EFNA5: variants seen among roughly 807,000 people sequenced by gnomAD.
EFNA5 encodes the protein ephrin A5.
A neutral mutation model predicts 22.9 loss-of-function variants in EFNA5; 5 were observed. That is an observed-to-expected ratio of 0.22 (90% CI 0.11 to 0.46). The LOEUF is 0.46. Among genes scored for constraint, EFNA5 ranks in the 20% least tolerant of loss-of-function variants. The pLI is 0.99. For missense variants in EFNA5, 237 were observed against 293.3 expected (o/e 0.81, Z 1.40); for synonymous variants, 113 against 112.2 (o/e 1.01, Z -0.04).
intron 1 of EFNA5, among the ~76,000 whole-genome samples, chr5:107,466,808 T>C (rs570597394): frequency 6.6e-5 from 10 of 152,236 alleles, no homozygotes; most frequent in African/African-American, 2.2e-4. Context: ...TCCAGAAGCA[T>C]TGGCATTTGA....
At chr5:107,534,598 CT>C (rs1323797066) in intron 1 of EFNA5, among the ~76,000 whole-genome samples, 1 of 152,188 alleles carries the variant, frequency 6.6e-6, no homozygotes, top group African/African-American at 2.4e-5. Flanking sequence ...GTGTCTCTAG[CT>C]GTTTGTACAC....
At chr5:107,394,593 C>CA (rs1747871188) in intron 2 of EFNA5, among the ~76,000 whole-genome samples, 3 of 152,120 alleles carry the variant, frequency 2.0e-5, no homozygotes, top group African/African-American at 7.2e-5. Flanking sequence ...AGCTGTGCAG[C>CA]CACACACAAA....
chr5:107,440,808 A>T (rs1287128986), intron 1 of EFNA5, among the ~76,000 whole-genome samples: 1 of 152,186 alleles, frequency 6.6e-6, no homozygotes, highest in African/African-American at 2.4e-5. Context: ...CCTATGGGAG[A>T]TATTAAATGA....
intron 1 of EFNA5, among the ~76,000 whole-genome samples, chr5:107,645,706 G>C (rs1223672087): frequency 2.6e-5 from 4 of 152,122 alleles, no homozygotes; most frequent in Non-Finnish European, 5.9e-5. Flanking sequence ...GCCCCCAAAT[G>C]TTTAAAAGTG....
chr5:107,608,776 A>G (rs907943754), intron 1 of EFNA5, among the ~76,000 whole-genome samples: 5 of 152,116 alleles, frequency 3.3e-5, no homozygotes, highest in Non-Finnish European at 7.4e-5. Flanking sequence ...CTTTATCCAC[A>G]ATGGCATTAA....
At chr5:107,523,667 GC>G (rs1382907781) in intron 1 of EFNA5, among the ~76,000 whole-genome samples, 1 of 152,224 alleles carries the variant, frequency 6.6e-6, no homozygotes, top group African/African-American at 2.4e-5. Context: ...AATTCTACAA[GC>G]TTTCTGTAAT....
chr5:107,457,566 A>T (rs530442160), intron 1 of EFNA5, among the ~76,000 whole-genome samples: 1 of 152,290 alleles, frequency 6.6e-6, no homozygotes, highest in Non-Finnish European at 1.5e-5. Context: ...GTACATGCTC[A>T]GTACAGACAC....
intron 1 of EFNA5, among the ~76,000 whole-genome samples, chr5:107,557,376 G>C (rs1748444762): frequency 6.6e-6 from 1 of 151,102 alleles, no homozygotes; most frequent in African/African-American, 2.4e-5. Flanking sequence ...GGGCGAGAGA[G>C]GGAAGCCTGG....
At chr5:107,612,713 A>G (rs932166788) in intron 1 of EFNA5, among the ~76,000 whole-genome samples, 16 of 152,128 alleles carry the variant, frequency 1.1e-4, no homozygotes, top group Admixed American at 5.2e-4. Context: ...CAGCTCTCCA[A>G]TATAAAGACC....
In EFNA5 at chr5:107,380,751, G is replaced by A. The variant is rs118003949; in HGVS notation, c.*504C>T. On this transcript the variant is annotated 3_prime_UTR_variant, in exon 5 of 5. Coordinates refer to ENST00000333274, the MANE Select transcript of EFNA5 (RefSeq NM_001962.3). Reference sequence around the variant, plus strand: ...TATCTATTCTTAATACCTCCCCTCCGGACCTGACATGGTGACATGATGCCC... The same window carrying A: ...TATCTATTCTTAATACCTCCCCTCCAGACCTGACATGGTGACATGATGCCC... 4.3e-3 allele frequency: 1,705 copies of A among 399,264 alleles called. 30 individuals carry two copies. The highest frequency in any genetic ancestry group is 0.035 in the East Asian group (979 of 28,080). 24.7% of individuals were successfully genotyped at this position (399,264 alleles called of 1,614,324 possible).
At chr5:107,509,755 C>CTAA (rs1035786607) in intron 1 of EFNA5, among the ~76,000 whole-genome samples, 19 of 152,276 alleles carry the variant, frequency 1.2e-4, no homozygotes, top group African/African-American at 4.3e-4. Context: ...AAATTTTTGC[C>CTAA]TATTACATTC....
At chr5:107,603,611 T>C (rs1328466909) in intron 1 of EFNA5, among the ~76,000 whole-genome samples, 1 of 152,202 alleles carries the variant, frequency 6.6e-6, no homozygotes, top group African/African-American at 2.4e-5. Context: ...ATAAAAAACA[T>C]TAAATCACCA....
Position 107,380,701 on chromosome 5 carries a change from T to G in EFNA5, c.*554A>C, listed in dbSNP as rs903856156. On this transcript the variant is annotated 3_prime_UTR_variant, in exon 5 of 5. Coordinates refer to ENST00000333274, the MANE Select transcript of EFNA5 (RefSeq NM_001962.3). ...TTTAGAAGCCTGTTCATTTACATACTCCTATAGGAAATGGTGTAATATCGT... is the reference window on the plus strand; with the variant it reads ...TTTAGAAGCCTGTTCATTTACATACGCCTATAGGAAATGGTGTAATATCGT... 12 of 397,668 alleles carry G rather than the reference T, an allele frequency of 3.0e-5. No individual in the cohort carries two copies. The highest frequency in any genetic ancestry group is 8.8e-5 in the Admixed American group (2 of 22,680). 24.6% of individuals were successfully genotyped at this position (397,668 alleles called of 1,614,324 possible).
intron 1 of EFNA5, among the ~76,000 whole-genome samples, chr5:107,535,199 C>A (rs552085773): frequency 6.6e-6 from 1 of 152,216 alleles, no homozygotes; most frequent in South Asian, 2.1e-4. Context: ...CAGAGGACTG[C>A]AGACTTAGAA....
intron 1 of EFNA5, among the ~76,000 whole-genome samples, chr5:107,607,605 T>C (rs760483610): frequency 6.6e-5 from 10 of 152,218 alleles, no homozygotes; most frequent in Non-Finnish European, 1.2e-4. Flanking sequence ...ACATAGACTA[T>C]GTATGATATT....
At chr5:107,656,987 T>C (rs977586115) in intron 1 of EFNA5, among the ~76,000 whole-genome samples, 1 of 152,116 alleles carries the variant, frequency 6.6e-6, no homozygotes, top group Non-Finnish European at 1.5e-5. Flanking sequence ...TAGTTGCTAC[T>C]GTAAAAATTC....
chr5:107,386,489 G>T (rs991891456), intron 4 of EFNA5, among the ~76,000 whole-genome samples: 1 of 152,188 alleles, frequency 6.6e-6, no homozygotes, highest in Admixed American at 6.5e-5. Flanking sequence ...CTCAACGAGT[G>T]CTTTGGTAGG....
intron 1 of EFNA5, among the ~76,000 whole-genome samples, chr5:107,499,226 T>A (rs1360604195): frequency 3.9e-5 from 6 of 152,168 alleles, no homozygotes; most frequent in Admixed American, 3.9e-4. Flanking sequence ...CCTCAATACT[T>A]AAATCTCCCA....
intron 1 of EFNA5, among the ~76,000 whole-genome samples, chr5:107,646,670 T>A (rs1468012986): frequency 4.6e-5 from 7 of 152,270 alleles, no homozygotes; most frequent in African/African-American, 1.7e-4. Flanking sequence ...GTGCATATCT[T>A]ATTGAAATGG....
Sources: allele counts gnomAD v4.1 joint callset (sites outside exome capture counted in the v4.1 genomes callset), GRCh38; gene constraint gnomAD v4.1.1; transcripts MANE v1.5; gene names NCBI Gene and HGNC (gene_info 2026-07-23, HGNC 2026-07-21).